The following MYH3 variants were observed in gnomAD, a reference collection of about 807,000 sequenced individuals.
MYH3 encodes myosin heavy chain 3, also known as myosin-3.
A neutral mutation model predicts 238.0 loss-of-function variants in MYH3; 130 were observed. The observed-to-expected ratio is 0.55, with a 90% CI of 0.47 to 0.63. The LOEUF (loss-of-function observed/expected upper bound fraction) is 0.63, where lower values mean the gene tolerates loss of function less well. Ranked by LOEUF, MYH3 falls within the 30% of genes least tolerant of loss-of-function variation. The pLI is 0.00. For synonymous variants in MYH3, 880 were observed against 924.1 expected, an observed-to-expected ratio of 0.95 and a Z score of 0.86; for missense variants, 1,853 against 2,374.9, an observed-to-expected ratio of 0.78 and a Z score of 4.57.
chr17:10,638,788 C>T (rs2074242023), intron 26 of MYH3, 85 bp downstream of exon 26: 4 of 1,414,576 alleles, frequency 2.8e-6, no homozygotes, highest in Middle Eastern at 4.4e-4. Context: ...GTCTTGCCCA[C>T]TTTCTCTAAA....
chr17:10,640,935 T>C, intron 19 of MYH3, 150 bp downstream of exon 19: 1 of 876,922 alleles, frequency 1.1e-6, no homozygotes, highest in Non-Finnish European at 1.9e-6. Context: ...CAAATATATA[T>C]AACTTGGCCA....
intron 10 of MYH3, 92 bp downstream of exon 10, chr17:10,647,090 T>A: frequency 1.1e-6 from 1 of 937,412 alleles, no homozygotes; most frequent in South Asian, 1.3e-5. Flanking sequence ...CCCTGTTGAC[T>A]GTAGAGTCAC....
intron 26 of MYH3, 79 bp from the exon 27 acceptor site, chr17:10,638,511 C>A: frequency 6.4e-7 from 1 of 1,574,464 alleles, no homozygotes. Context: ...GCTGGTTTCC[C>A]TTCCCATTAG....
intron 4 of MYH3, chr17:10,652,064 C>T (rs1164887124): frequency 1.0e-5 from 4 of 393,770 alleles, no homozygotes; most frequent in Non-Finnish European, 1.9e-5. Context: ...TCTCATGTTT[C>T]TTTGGGATAA....
the MYH3 span, among the ~76,000 whole-genome samples, chr17:10,671,995 G>C: frequency 6.6e-6 from 1 of 152,154 alleles, no homozygotes; most frequent in Non-Finnish European, 1.5e-5. Flanking sequence ...ATCAAGCCTA[G>C]TAATGGTTTA....
intron 10 of MYH3, among the ~76,000 whole-genome samples, chr17:10,646,690 T>A (rs1597490087): frequency 1.3e-5 from 2 of 152,190 alleles, no homozygotes; most frequent in African/African-American, 4.8e-5. Context: ...CTTGTTGCCC[T>A]CCATTTGATT....
chr17:10,663,119 A>C, the MYH3 span, among the ~76,000 whole-genome samples: 1 of 146,926 alleles, frequency 6.8e-6, no homozygotes. Flanking sequence ...AGTAAACTGA[A>C]ATAAAATAAA....
At chr17:10,653,106 T>G (rs1021884385) in intron 3 of MYH3, among the ~76,000 whole-genome samples, 1 of 151,990 alleles carries the variant, frequency 6.6e-6, no homozygotes, top group Admixed American at 6.6e-5. Flanking sequence ...TCCTCCCCAT[T>G]GGGCCTGAGG....
intron 40 of MYH3, 105 bp from the exon 41 acceptor site, chr17:10,628,784 A>G: frequency 8.1e-7 from 1 of 1,238,632 alleles, no homozygotes; most frequent in South Asian, 1.2e-5. Context: ...CTTCAGTGGG[A>G]CACAGGATAT....
At position 10,631,548 on chromosome 17, in the gene MYH3, T is replaced by C. The variant is rs150841799; in HGVS notation, c.5286+63A>G. 5.7e-4 allele frequency: 922 copies of C among 1,613,200 alleles called. 6 individuals carry two copies. The East Asian group carries it at 0.019, about 32-fold the overall frequency. ...GGGGGAGACCGCACCTGTCTAACTA[T>C]GTGAGGGCTTTAATGCAATGCAATC... On this transcript the variant is annotated intron_variant, in intron 36 of 40. Coordinates refer to ENST00000583535, the MANE Select transcript of MYH3 (RefSeq NM_002470.4).
chr17:10,637,001 T>A (rs2074221934), intron 28 of MYH3, among the ~76,000 whole-genome samples: 2 of 152,138 alleles, frequency 1.3e-5, no homozygotes, highest in Non-Finnish European at 2.9e-5. Flanking sequence ...CCTGTGAGGA[T>A]GCACCAGGGC....
the MYH3 span, among the ~76,000 whole-genome samples, chr17:10,662,354 T>A: frequency 0.24 from 36,921 of 152,012 alleles, 5,983 homozygotes; most frequent in East Asian, 0.62. Context: ...TGTCAAGCAT[T>A]TAGGTAAGTA....
chr17:10,672,288 C>A, the MYH3 span, among the ~76,000 whole-genome samples: 4 of 152,116 alleles, frequency 2.6e-5, no homozygotes, highest in African/African-American at 7.2e-5. Context: ...CTATTCCATA[C>A]TTTTATTTCC....
In MYH3 at chr17:10,629,880, C is replaced by T. The variant is rs767550622; in HGVS notation, c.5620G>A (p.Val1874Met). 2.7e-5 allele frequency: 43 copies of T among 1,614,180 alleles called. No homozygotes were observed. In the African/African-American group the frequency reaches 5.5e-4, roughly 21 times the overall value. ...TGCCTCTTGTAGGACTTGACTTTCA[C>T]TTGCAGTTTATCCACCAGATCCTGC... ...RLQDLVDKLQ[V>M]KVKSYKRQAE... is the part of the protein sequence containing the mutation. Residue 1874 changes from valine to methionine, a missense_variant, in exon 39 of 41, where the codon GTG becomes ATG. Val to Met is a conservative substitution (Grantham distance 21). Coordinates refer to ENST00000583535, the MANE Select transcript of MYH3 (RefSeq NM_002470.4).
At position 10,640,347 on chromosome 17, in the gene MYH3, C is replaced by A; in HGVS notation, c.2412G>T (p.Lys804Asn). Residue 804 changes from lysine to asparagine, a missense_variant, in exon 21 of 41, where the codon AAG becomes AAT. Around this residue, in one of 3 missense-constraint regions of MYH3, gnomAD observed 678 missense variants for 1,058.9 expected, o/e 0.64. Coordinates refer to ENST00000583535, the MANE Select transcript of MYH3 (RefSeq NM_002470.4). ...RGFLMRVEFQKMVQRRESIFC... is the reference protein window; with the variant it reads ...RGFLMRVEFQNMVQRRESIFC... ...CCCTGCTGGACCTCCTCTGCACCATCTTCTGGAATTCCACACGCATGAGGA... is the reference window on the plus strand; with the variant it reads ...CCCTGCTGGACCTCCTCTGCACCATATTCTGGAATTCCACACGCATGAGGA... The A allele has an allele frequency of 6.2e-7, 1 of 1,614,218 alleles. No individual in the cohort carries two copies. The highest frequency in any genetic ancestry group is 8.5e-7 in the Non-Finnish European group (1 of 1,180,034).
the MYH3 span, among the ~76,000 whole-genome samples, chr17:10,667,936 T>C: frequency 6.6e-6 from 1 of 152,062 alleles, no homozygotes; most frequent in Non-Finnish European, 1.5e-5. Context: ...TGAAAATAAA[T>C]GTAAATATAA....
Position 10,634,915 on chromosome 17 carries a change from C to T in MYH3, c.4281G>A (p.Glu1427=). Residue 1427 remains glutamate (E), a synonymous_variant, in exon 31 of 41, where the codon GAG becomes GAA. Transcript: ENST00000583535. Reference sequence around the variant, plus strand: ...CTCTTTCAACATCAACCATCAGATCCTCCACCTCTCCTTGCAGCCTCTGCT... The same window carrying T: ...CTCTTTCAACATCAACCATCAGATCTTCCACCTCTCCTTGCAGCCTCTGCT... The part of the protein sequence containing the change: ...KTKQRLQGEV[E]DLMVDVERAN... 6.2e-7 allele frequency: 1 copy of T among 1,614,156 alleles called. No homozygotes were observed. The highest frequency in any genetic ancestry group is 2.2e-5 in the East Asian group (1 of 44,874).
the MYH3 span, among the ~76,000 whole-genome samples, chr17:10,671,462 G>A: frequency 1.3e-5 from 2 of 151,082 alleles, no homozygotes; most frequent in African/African-American, 4.9e-5. Flanking sequence ...TTCTTTTAGT[G>A]TTTTGTCAAA....
chr17:10,635,266 G>A (rs1330938030), intron 30 of MYH3, 101 bp downstream of exon 30: 16 of 1,581,178 alleles, frequency 1.0e-5, no homozygotes, highest in East Asian at 2.2e-5. Flanking sequence ...GCCCAGCACC[G>A]CATTTAAAGA....
Sources: allele counts gnomAD v4.1 joint callset (sites outside exome capture counted in the v4.1 genomes callset), GRCh38; gene constraint gnomAD v4.1.1; regional missense constraint gnomAD v4.1.1; transcripts MANE v1.5; gene names NCBI Gene and HGNC (gene_info 2026-07-23, HGNC 2026-07-21).